The following GPR107 variants were observed in gnomAD, a reference collection of about 807,000 sequenced individuals.
GPR107 encodes the protein G protein-coupled receptor 107.
Under a neutral mutation model 75.5 loss-of-function variants are expected in GPR107, and 31 were observed. That is an observed-to-expected ratio of 0.41 (90% CI 0.31 to 0.55). GPR107 has a LOEUF of 0.55. Among genes scored for constraint, GPR107 ranks in the 20% least tolerant of loss-of-function variants. The pLI is 0.26. For missense variants in GPR107, 572 were observed against 665.7 expected (o/e 0.86, Z 1.55); for synonymous variants, 267 against 251.3 (o/e 1.06, Z -0.59).
At chr9:130,061,176 G>A (rs1286736447) in intron 1 of GPR107, among the ~76,000 whole-genome samples, 1 of 152,132 alleles carries the variant, frequency 6.6e-6, no homozygotes, top group African/African-American at 2.4e-5. Context: ...GGCAGTGAGC[G>A]GGACTAAGCC....
chr9:130,063,761 G>A (rs1344920135), intron 1 of GPR107, among the ~76,000 whole-genome samples: 1 of 148,418 alleles, frequency 6.7e-6, no homozygotes, highest in African/African-American at 2.5e-5. Flanking sequence ...CCTTTGTATT[G>A]CTTCCCTTTA....
intron 13 of GPR107, among the ~76,000 whole-genome samples, chr9:130,105,678 A>G (rs1831140138): frequency 6.6e-6 from 1 of 151,930 alleles, no homozygotes; most frequent in East Asian, 1.9e-4. Context: ...CATTCCAGCC[A>G]GTTAGATTCA....
At chr9:130,087,114 T>A (rs1156920952) in intron 7 of GPR107, among the ~76,000 whole-genome samples, 1 of 151,200 alleles carries the variant, frequency 6.6e-6, no homozygotes, top group African/African-American at 2.4e-5. Context: ...CACGGCTCAC[T>A]GCAGCCTCAA....
intron 14 of GPR107, among the ~76,000 whole-genome samples, chr9:130,113,693 G>A (rs1490919734): frequency 6.6e-6 from 1 of 152,188 alleles, no homozygotes; most frequent in East Asian, 1.9e-4. Context: ...CCATAGTCAT[G>A]CATGGGGGTA....
rs987646546 is a variant in GPR107 at position 130,055,623 on chromosome 9, A to G, written c.141+1550A>G. 2.6e-5 allele frequency among the ~76,000 whole-genome samples: 4 copies of G among 152,210 alleles called. 1 individual carries two copies. In the East Asian group the frequency reaches 5.8e-4, roughly 22 times the overall value. On this transcript the variant is annotated intron_variant, in intron 1 of 17. Transcript: ENST00000347136. ...ATGAAGCATTGTATTTTGTTAATGT[A>G]GAATTTAAAGAATACAGAATGAAAT...
At chr9:130,069,910 T>G (rs1163524953) in intron 1 of GPR107, among the ~76,000 whole-genome samples, 4 of 150,572 alleles carry the variant, frequency 2.7e-5, no homozygotes, top group African/African-American at 9.8e-5. Flanking sequence ...GGTCTCAAAC[T>G]GACCTAAGGG....
chr9:130,086,548 G>T lies in GPR107; in HGVS notation c.621+72G>T, dbSNP rs1418197488. The stretch of plus-strand genomic sequence containing the variant: ...TGTAAAAGGGTAATTTTTTTTTAGA[G>T]GAATTTTGAATTTAGGAATAACAAC... On this transcript the variant is annotated intron_variant, in intron 7 of 17. Coordinates refer to ENST00000347136, the MANE Select transcript of GPR107 (RefSeq NM_020960.5). 3 of 884,120 alleles carry T rather than the reference G, an allele frequency of 3.4e-6. No homozygotes were observed. In the East Asian group the frequency reaches 7.2e-5, roughly 21 times the overall value. 54.8% of individuals were successfully genotyped at this position (884,120 alleles called of 1,614,324 possible).
At chr9:130,067,434 A>T (rs1353457847) in intron 1 of GPR107, among the ~76,000 whole-genome samples, 1 of 152,122 alleles carries the variant, frequency 6.6e-6, no homozygotes, top group East Asian at 1.9e-4. Context: ...AAATAAGTGG[A>T]GGAGTCAGAG....
chr9:130,056,949 A>AG (rs1829806610), intron 1 of GPR107, among the ~76,000 whole-genome samples: 4 of 149,508 alleles, frequency 2.7e-5, no homozygotes. Context: ...AAAAAAAAAA[A>AG]AAGAAAGTTC....
At chr9:130,079,530 A>T in intron 4 of GPR107, 100 bp from the exon 5 acceptor site, 1 of 873,510 alleles carries the variant, frequency 1.1e-6, no homozygotes, top group Non-Finnish European at 1.8e-6. Context: ...GTAGAACATG[A>T]TAAGGACTGC....
rs762154528 is a variant in GPR107, at chr9:130,112,443, C to T, written c.1306+4904C>T. On this transcript the variant is annotated intron_variant, in intron 14 of 17. Coordinates refer to ENST00000347136, the MANE Select transcript of GPR107 (RefSeq NM_020960.5). The surrounding 1 kb of genome is among the most constrained non-coding windows in gnomAD (Gnocchi z 4.0). Reference sequence around the variant, plus strand: ...CAATGATGGGTGAAATTGCCGGCACCGTCACGTGATTCCAGGCTGTGGTAC... The same window carrying T: ...CAATGATGGGTGAAATTGCCGGCACTGTCACGTGATTCCAGGCTGTGGTAC... Among the ~76,000 whole-genome samples the T allele has an allele frequency of 6.6e-6, 1 of 152,154 alleles. No individual in the cohort carries two copies. Among genetic ancestry groups the T allele is most frequent in the Non-Finnish European group, 1.5e-5 (1 of 68,024 alleles).
At chr9:130,133,432 TG>T (rs1445184191) in intron 17 of GPR107, among the ~76,000 whole-genome samples, 3 of 152,234 alleles carry the variant, frequency 2.0e-5, no homozygotes, top group Admixed American at 6.5e-5. Context: ...GGAGTGTTTC[TG>T]GAAGACGTGG....
At chr9:130,074,420 G>T (rs952548745) in intron 1 of GPR107, among the ~76,000 whole-genome samples, 2 of 152,152 alleles carry the variant, frequency 1.3e-5, no homozygotes, top group African/African-American at 4.8e-5. Context: ...ACTTACGGAA[G>T]GTGTTGCAAT....
At chr9:130,093,245 G>T (rs1342818811) in intron 9 of GPR107, among the ~76,000 whole-genome samples, 2 of 151,898 alleles carry the variant, frequency 1.3e-5, no homozygotes, top group East Asian at 1.9e-4. Flanking sequence ...TTAACTTCCT[G>T]TACTTGGTTC....
chr9:130,099,440 T>C lies in GPR107; in HGVS notation c.864-17T>C, dbSNP rs774611634. The C allele has an allele frequency of 1.9e-5, 28 of 1,456,230 alleles. No individual in the cohort carries two copies. Among genetic ancestry groups the C allele is most frequent in the Non-Finnish European group, 2.6e-5 (27 of 1,036,854 alleles). The allele number at this position is 1,456,230 out of a possible 1,614,324, so 90.2% of individuals were successfully genotyped here. On this transcript the variant is annotated splice_polypyrimidine_tract_variant and intron_variant, in intron 9 of 17. Transcript: ENST00000347136. ...GAATGGAATCTTCCTTTAATTGTTT[T>C]CTCTCTGTTTTTATAGGAATGATGT...
chr9:130,132,823 A>ATATATT (rs1564688693), intron 17 of GPR107, among the ~76,000 whole-genome samples: 1 of 89,298 alleles, frequency 1.1e-5, no homozygotes, highest in African/African-American at 4.2e-5. Context: ...ATATATTTTT[A>ATATATT]TATATTTATA....
chr9:130,125,400 CT>C (rs386416334), intron 15 of GPR107, among the ~76,000 whole-genome samples: 242 of 135,562 alleles, frequency 1.8e-3, no homozygotes, highest in Middle Eastern at 3.8e-3. Context: ...TGCTTTTTTG[CT>C]TTTTTTTTTT....
chr9:130,101,960 G>A (rs928528928), intron 12 of GPR107, among the ~76,000 whole-genome samples: 8 of 152,168 alleles, frequency 5.3e-5, no homozygotes, highest in African/African-American at 1.9e-4. Context: ...CCCAACTCTG[G>A]CAGAGTTTGC....
intron 9 of GPR107, among the ~76,000 whole-genome samples, chr9:130,097,155 CTTTTTTTTT>C (rs71387312): frequency 7.7e-6 from 1 of 130,172 alleles, no homozygotes; most frequent in Non-Finnish European, 1.6e-5. Flanking sequence ...TCTTTTTTTT[CTTTTTTTTT>C]TTTTTTTTGA....
Sources: allele counts gnomAD v4.1 joint callset (sites outside exome capture counted in the v4.1 genomes callset), GRCh38; gene constraint gnomAD v4.1.1; non-coding constraint Gnocchi (gnomAD v3.1); transcripts MANE v1.5; gene names NCBI Gene and HGNC (gene_info 2026-07-23, HGNC 2026-07-21).